The following BICD1 variants were observed in gnomAD, a reference collection of about 807,000 sequenced individuals.
BICD1 encodes the protein protein bicaudal D homolog 1.
A neutral mutation model predicts 92.5 loss-of-function variants in BICD1; 35 were observed. The observed-to-expected ratio is 0.38, with a 90% CI of 0.29 to 0.50. The LOEUF (loss-of-function observed/expected upper bound fraction) is 0.50. Ranked by LOEUF, BICD1 falls within the 20% of genes least tolerant of loss-of-function variation. The probability of loss-of-function intolerance (pLI) is 0.93; values close to 1 mark genes in which losing one functional copy is unlikely to be tolerated. For synonymous variants in BICD1, 429 were observed against 465.1 expected (o/e 0.92, Z 1.00); for missense variants, 950 against 1,189.8 (o/e 0.80, Z 2.97).
At position 32,327,649 on chromosome 12, in the gene BICD1, C is replaced by T. The variant is rs1024567413; in HGVS notation, c.1194C>T (p.Asp398=). The part of the protein sequence containing the change: ...KAELDGEKGR[D]SGEEAHDYEV... The stretch of plus-strand genomic sequence containing the variant: ...AGCTGGACGGGGAGAAGGGCCGGGA[C>T]TCAGGGGAGGAGGCCCATGACTATG... Residue 398 remains aspartate (D), a synonymous_variant, in exon 5 of 10, where the codon GAC becomes GAT. Coordinates refer to ENST00000652176, the MANE Select transcript of BICD1 (RefSeq NM_001714.4). The T allele has an allele frequency of 3.7e-6, 6 of 1,613,910 alleles. No homozygotes were observed. In the African/African-American group the frequency reaches 4.0e-5, roughly 11 times the overall value.
intron 1 of BICD1, among the ~76,000 whole-genome samples, chr12:32,180,044 TTTCCTCGCAGTA>T (rs1944228407): frequency 1.3e-5 from 2 of 150,358 alleles, no homozygotes; most frequent in Non-Finnish European, 3.0e-5. Context: ...AGGTGGAGGA[TTTCCTCGCAGTA>T]GGTAAAGAAG....
At chr12:32,115,150 C>A (rs1941845156) in intron 1 of BICD1, among the ~76,000 whole-genome samples, 1 of 152,122 alleles carries the variant, frequency 6.6e-6, no homozygotes, top group Admixed American at 6.6e-5. Flanking sequence ...AGCCATTGCA[C>A]CCAGCCTTTT....
intron 3 of BICD1, among the ~76,000 whole-genome samples, chr12:32,302,674 C>T (rs538867885): frequency 6.6e-6 from 1 of 152,254 alleles, no homozygotes; most frequent in Admixed American, 6.5e-5. Context: ...AACCCAGAAA[C>T]TCCTACTTGA....
chr12:32,131,850 G>A (rs914100941), intron 1 of BICD1, among the ~76,000 whole-genome samples: 1 of 152,188 alleles, frequency 6.6e-6, no homozygotes, highest in Non-Finnish European at 1.5e-5. Context: ...CACTTGTGGG[G>A]GAGAAAGGCA....
chr12:32,363,730 G>A (rs1363717952), intron 8 of BICD1, among the ~76,000 whole-genome samples: 1 of 152,058 alleles, frequency 6.6e-6, no homozygotes, highest in Non-Finnish European at 1.5e-5. Flanking sequence ...CCGCTGTGAG[G>A]TCCTGTAACA....
intron 4 of BICD1, among the ~76,000 whole-genome samples, chr12:32,311,525 T>C (rs137907814): frequency 6.6e-6 from 1 of 152,110 alleles, no homozygotes; most frequent in East Asian, 1.9e-4. Flanking sequence ...AGAAATACAT[T>C]GGTTTGGTTC....
At chr12:32,117,703 AAT>A (rs371992238) in intron 1 of BICD1, among the ~76,000 whole-genome samples, 20 of 129,598 alleles carry the variant, frequency 1.5e-4, no homozygotes, top group South Asian at 1.5e-3. Flanking sequence ...TATATACACA[AAT>A]ATATATACAC....
intron 1 of BICD1, among the ~76,000 whole-genome samples, chr12:32,135,554 C>A (rs1942707482): frequency 6.6e-6 from 1 of 151,880 alleles, no homozygotes; most frequent in Non-Finnish European, 1.5e-5. Context: ...GTGTGCATCA[C>A]CACACCTGGC....
Position 32,374,745 on chromosome 12 carries a change from T to G in BICD1, c.2841-2795T>G, listed in dbSNP as rs1167877770. Among the ~76,000 whole-genome samples, 159 of 131,338 alleles carry G rather than the reference T, an allele frequency of 1.2e-3. 1 individual carries two copies. The highest frequency in any genetic ancestry group is 4.4e-3 in the African/African-American group (152 of 34,388). The allele number at this position is 131,338 out of a possible 152,430, so 86.2% of individuals were successfully genotyped here. ...ACCACGCCCGGCTAATTTTTTTTTT[T>G]TTTTTTTTTTTTTGTATTTTTAGTA... On this transcript the variant is annotated intron_variant, in intron 9 of 9. Coordinates refer to ENST00000652176, the MANE Select transcript of BICD1 (RefSeq NM_001714.4).
At chr12:32,219,871 C>T (rs1254479059) in intron 2 of BICD1, among the ~76,000 whole-genome samples, 2 of 152,162 alleles carry the variant, frequency 1.3e-5, no homozygotes, top group East Asian at 3.8e-4. Flanking sequence ...ACCAAAACAG[C>T]ATGGTACTGG....
At chr12:32,210,335 A>T (rs1291487154) in intron 1 of BICD1, among the ~76,000 whole-genome samples, 1 of 152,206 alleles carries the variant, frequency 6.6e-6, no homozygotes, top group African/African-American at 2.4e-5. Context: ...TTGAGATGAA[A>T]GAACGAAAAT....
intron 2 of BICD1, among the ~76,000 whole-genome samples, chr12:32,238,802 C>G (rs1426184300): frequency 6.6e-6 from 1 of 151,130 alleles, no homozygotes; most frequent in Non-Finnish European, 1.5e-5. Context: ...AAAAATTAGC[C>G]GGGCATGGTG....
At position 32,379,015 on chromosome 12, in the gene BICD1, T is replaced by C. The variant is rs1940092570; in HGVS notation, c.*1388T>C. On this transcript the variant is annotated 3_prime_UTR_variant, in exon 10 of 10. Transcript: ENST00000652176. ...CTCGGGCTCCTTAACCATCAAGTGC[T>C]GCCCACACAATTGCTCCTAGCCCTG... 6.6e-6 allele frequency: 1 copy of C among 152,242 alleles called. No individual in the cohort carries two copies. Among genetic ancestry groups the C allele is most frequent in the South Asian group, 2.1e-4 (1 of 4,834 alleles). The allele number at this position is 152,242 out of a possible 1,614,324, so 9.4% of individuals were successfully genotyped here.
At chr12:32,213,645 C>G (rs927286219) in intron 1 of BICD1, among the ~76,000 whole-genome samples, 3 of 152,196 alleles carry the variant, frequency 2.0e-5, no homozygotes, top group Non-Finnish European at 2.9e-5. Flanking sequence ...ATCTGTCTCC[C>G]ACCTCTGTCT....
At position 32,296,431 on chromosome 12, in the gene BICD1, A is replaced by G. The variant is rs192010904; in HGVS notation, c.579+2285A>G. 1.3e-3 allele frequency among the ~76,000 whole-genome samples: 203 copies of G among 151,186 alleles called. No individual in the cohort carries two copies. In the Middle Eastern group the frequency reaches 0.014, roughly 10 times the overall value. ...TATCACCACGCCTGGCTAATTTTTT[A>G]TATTTTTAGTAGAGATGGGGTTTCA... On this transcript the variant is annotated intron_variant, in intron 3 of 9. Transcript: ENST00000652176.
intron 1 of BICD1, among the ~76,000 whole-genome samples, chr12:32,191,613 G>A (rs541820567): frequency 4.1e-4 from 60 of 144,986 alleles, no homozygotes; most frequent in South Asian, 1.7e-3. Flanking sequence ...TATATAATAC[G>A]TATATAATAT....
intron 1 of BICD1, among the ~76,000 whole-genome samples, chr12:32,171,940 TACACACACACACACACACAC>T (rs61038844): frequency 3.3e-4 from 46 of 141,092 alleles, no homozygotes; most frequent in African/African-American, 7.4e-4. Flanking sequence ...TCTCAAAAAA[TACACACACACACACACACAC>T]ACACACACAC....
At chr12:32,268,538 G>A (rs1005148227) in intron 2 of BICD1, among the ~76,000 whole-genome samples, 3 of 152,220 alleles carry the variant, frequency 2.0e-5, no homozygotes, top group Non-Finnish European at 4.4e-5. Context: ...GCTCATGCCT[G>A]TAATCTTAGC....
intron 1 of BICD1, among the ~76,000 whole-genome samples, chr12:32,150,121 T>G (rs1943246614): frequency 6.6e-6 from 1 of 152,142 alleles, no homozygotes; most frequent in Non-Finnish European, 1.5e-5. Flanking sequence ...GAGAATGGCA[T>G]GGGAAAGACC....
Sources: gnomAD v4.1 joint callset for allele counts (sites outside exome capture counted in the v4.1 genomes callset) on GRCh38, gnomAD v4.1.1 for gene constraint, MANE v1.5 for transcripts, NCBI Gene and HGNC (gene_info 2026-07-23, HGNC 2026-07-21) for gene names.